Variants in UNC5C observed in about 807,000 individuals in gnomAD.
The protein encoded by UNC5C is netrin receptor UNC5C.
UNC5C carries 47 observed loss-of-function variants against 99.8 expected under a neutral mutation model. The observed-to-expected ratio is 0.47, with a 90% CI of 0.37 to 0.60. The LOEUF (loss-of-function observed/expected upper bound fraction) is 0.60, where lower values mean the gene tolerates loss of function less well. Ranked by LOEUF, UNC5C falls within the 20% of genes least tolerant of loss-of-function variation. UNC5C has a pLI of 0.00. For missense variants in UNC5C, 1,062 were observed against 1,165.9 expected (o/e 0.91, Z 1.30); for synonymous variants, 487 against 452.2 (o/e 1.08, Z -0.98).
chr4:95,466,278 C>T (rs1051982327), intron 1 of UNC5C, among the ~76,000 whole-genome samples: 2 of 152,004 alleles, frequency 1.3e-5, no homozygotes, highest in Admixed American at 6.6e-5. Flanking sequence ...ACTGCCTTAC[C>T]CAAAATAGGC....
chr4:95,235,186 A>C (rs1739063627), intron 7 of UNC5C, among the ~76,000 whole-genome samples: 1 of 152,198 alleles, frequency 6.6e-6, no homozygotes, highest in East Asian at 1.9e-4. Flanking sequence ...TGACATTGCT[A>C]GTTCTTAAAT....
chr4:95,416,188 T>C (rs376359229), intron 1 of UNC5C, among the ~76,000 whole-genome samples: 2 of 152,176 alleles, frequency 1.3e-5, no homozygotes, highest in Non-Finnish European at 2.9e-5. Flanking sequence ...ATGGGCTGGC[T>C]GGTCAGCAGA....
At chr4:95,204,611 C>G (rs28660566) in intron 11 of UNC5C, among the ~76,000 whole-genome samples, 62 of 152,164 alleles carry the variant, frequency 4.1e-4, no homozygotes, top group Admixed American at 4.1e-3. Context: ...AAAAGAAAAT[C>G]TCAGGCAGGA....
At chr4:95,177,070 C>T (rs886526757) in intron 14 of UNC5C, among the ~76,000 whole-genome samples, 9 of 152,318 alleles carry the variant, frequency 5.9e-5, no homozygotes, top group Admixed American at 3.3e-4. Context: ...TTGCACTTCC[C>T]GAGTGAGGCA....
intron 7 of UNC5C, among the ~76,000 whole-genome samples, chr4:95,224,900 AG>A (rs1293968901): frequency 6.6e-6 from 1 of 152,038 alleles, no homozygotes; most frequent in Admixed American, 6.6e-5. Context: ...CTTGAAAAAA[AG>A]AAAGAATCTG....
rs748324562 is a variant in UNC5C at position 95,335,623 on chromosome 4, A to T, written c.133T>A (p.Phe45Ile). The change falls in exon 2 of 16, where the codon TTT becomes ATT. Residue 45 changes from phenylalanine to isoleucine, a missense_variant. Transcript: ENST00000453304. ...AAAGTTTCTGGGAGTTCATGAAAAA[A>T]GTCATCATCTGAGAAAGAAGAAGAA... ...GTGSAAQDDD[F>I]FHELPETFPS... 1.2e-6 allele frequency: 2 copies of T among 1,605,970 alleles called. No individual in the cohort carries two copies. Among genetic ancestry groups the T allele is most frequent in the Admixed American group, 1.7e-5 (1 of 58,082 alleles).
chr4:95,539,001 C>A (rs1312839468), intron 1 of UNC5C, among the ~76,000 whole-genome samples: 2 of 152,096 alleles, frequency 1.3e-5, no homozygotes, highest in Non-Finnish European at 2.9e-5. Context: ...TCAAACATAA[C>A]TCCATTTGAT....
At chr4:95,175,730 T>G (rs535112447) in intron 14 of UNC5C, among the ~76,000 whole-genome samples, 8 of 152,232 alleles carry the variant, frequency 5.3e-5, no homozygotes, top group African/African-American at 4.8e-5. Flanking sequence ...TCTTGGACTT[T>G]CTCTTCTTGA....
intron 4 of UNC5C, among the ~76,000 whole-genome samples, chr4:95,275,653 GC>G (rs1284812715): frequency 6.6e-6 from 1 of 152,302 alleles, no homozygotes; most frequent in East Asian, 1.9e-4. Context: ...ATTATTTGTA[GC>G]CAAAGTGGTA....
chr4:95,409,127 C>T (rs185088316), intron 1 of UNC5C, among the ~76,000 whole-genome samples: 10 of 152,312 alleles, frequency 6.6e-5, no homozygotes, highest in Middle Eastern at 3.4e-3. Flanking sequence ...GTTCAAAACG[C>T]TTTGCAAGAA....
intron 2 of UNC5C, among the ~76,000 whole-genome samples, chr4:95,331,029 C>G (rs569142594): frequency 2.0e-5 from 3 of 152,168 alleles, no homozygotes; most frequent in African/African-American, 7.2e-5. Context: ...CACATGTACA[C>G]ATTATTTAGC....
chr4:95,256,714 A>ATAAATATATATATATATG (rs70946602), intron 4 of UNC5C, among the ~76,000 whole-genome samples: 2 of 127,300 alleles, frequency 1.6e-5, no homozygotes, highest in Admixed American at 7.8e-5. Context: ...ATATATATAT[A>ATAAATATATATATATATG]TATATATGAG....
intron 1 of UNC5C, among the ~76,000 whole-genome samples, chr4:95,478,463 A>C (rs73838879): frequency 0.048 from 7,332 of 152,060 alleles, 564 homozygotes; most frequent in African/African-American, 0.16. Flanking sequence ...TCGATGGTTC[A>C]GGGCTGCTTC....
In UNC5C at chr4:95,429,476, C is replaced by A. The variant is rs954310018; in HGVS notation, c.125-93845G>T. On this transcript the variant is annotated intron_variant, in intron 1 of 15. Transcript: ENST00000453304. ...GAAATTAACTATAAGAAAATAAAAT[C>A]TAGTTGTTTTAAGTTGACAGCTATT... Among the ~76,000 whole-genome samples the A allele has an allele frequency of 2.6e-5, 4 of 151,976 alleles. No individual in the cohort carries two copies. The South Asian group carries it at 8.3e-4, about 31-fold the overall frequency.
chr4:95,349,568 T>C (rs141501745), intron 1 of UNC5C, among the ~76,000 whole-genome samples: 6 of 151,796 alleles, frequency 4.0e-5, no homozygotes, highest in African/African-American at 1.4e-4. Context: ...TTTCTGCTTT[T>C]TGAGCTTTTA....
intron 1 of UNC5C, among the ~76,000 whole-genome samples, chr4:95,529,562 C>CA (rs908206555): frequency 6.6e-6 from 1 of 151,412 alleles, no homozygotes; most frequent in African/African-American, 2.4e-5. Context: ...CCCATCTCTA[C>CA]AAAAAACTAA....
chr4:95,458,608 T>C (rs1257797914), intron 1 of UNC5C, among the ~76,000 whole-genome samples: 1 of 152,072 alleles, frequency 6.6e-6, no homozygotes, highest in Non-Finnish European at 1.5e-5. Flanking sequence ...TCTTCTAAGG[T>C]CTTTCAAGAT....
Position 95,169,102 on chromosome 4 carries a change from C to G in UNC5C, c.*132G>C. ...ATGGGCAGTTGTATCTGTTTTCCTT[C>G]TGGCTCCTGCTGCAGTCTTGCCTGT... is the stretch of plus-strand genomic sequence containing the variant. On this transcript the variant is annotated 3_prime_UTR_variant, in exon 16 of 16. Coordinates refer to ENST00000453304, the MANE Select transcript of UNC5C (RefSeq NM_003728.4). 1 of 1,146,530 alleles carries G rather than the reference C, an allele frequency of 8.7e-7. No homozygotes were observed. The highest frequency in any genetic ancestry group is 1.2e-6 in the Non-Finnish European group (1 of 803,110). 71.0% of individuals were successfully genotyped at this position (1,146,530 alleles called of 1,614,324 possible). A position where few individuals can be genotyped will look rare whatever the true frequency, so the allele number is the denominator to read the frequency against.
At chr4:95,240,685 C>T (rs1031116704) in intron 7 of UNC5C, among the ~76,000 whole-genome samples, 1 of 152,206 alleles carries the variant, frequency 6.6e-6, no homozygotes, top group Non-Finnish European at 1.5e-5. Flanking sequence ...CCTCATTCCT[C>T]TTCCCTGTCA....
Sources: gnomAD v4.1 joint callset for allele counts (sites outside exome capture counted in the v4.1 genomes callset) on GRCh38, gnomAD v4.1.1 for gene constraint, MANE v1.5 for transcripts, NCBI Gene and HGNC (gene_info 2026-07-23, HGNC 2026-07-21) for gene names.